The following TMOD4 variants were observed in gnomAD, a reference collection of about 807,000 sequenced individuals.
TMOD4 encodes tropomodulin-4.
A neutral mutation model predicts 45.4 loss-of-function variants in TMOD4; 34 were observed. The ratio of observed to expected loss-of-function variants is 0.75; its 90% confidence interval spans 0.57 to 1.00. TMOD4 has a LOEUF of 1.00. Among genes scored for constraint, TMOD4 ranks in the 50% least tolerant of loss-of-function variants. The pLI is 0.00. For synonymous variants in TMOD4, 131 were observed against 153.9 expected (o/e 0.85, Z 1.10); for missense variants, 399 against 437.5 (o/e 0.91, Z 0.78).
intron 9 of TMOD4, 167 bp downstream of exon 9, chr1:151,170,352 G>T: frequency 1.9e-6 from 2 of 1,069,098 alleles, no homozygotes; most frequent in Non-Finnish European, 1.4e-6. Context: ...TTTGGGGCAG[G>T]GGGAGTTTTC....
rs755763554 is a variant in TMOD4, at chr1:151,172,397, G to A, written c.398-40C>T. On this transcript the variant is annotated intron_variant, in intron 4 of 9. Transcript: ENST00000295314. ...AAGAGGAGTCACAGGGAATGAGAAGGAACCTGTTCCAAGCCTCCCTCCTAC... is the reference window on the plus strand; with the variant it reads ...AAGAGGAGTCACAGGGAATGAGAAGAAACCTGTTCCAAGCCTCCCTCCTAC... 3.3e-6 allele frequency: 5 copies of A among 1,495,038 alleles called. No individual in the cohort carries two copies. In the Admixed American group the frequency reaches 5.0e-5, roughly 15 times the overall value. The allele number at this position is 1,495,038 out of a possible 1,614,324, so 92.6% of individuals were successfully genotyped here.
At chr1:151,174,325 G>C in intron 3 of TMOD4, 66 bp downstream of exon 3, 1 of 1,552,328 alleles carries the variant, frequency 6.4e-7, no homozygotes. Flanking sequence ...AAACTGGAGT[G>C]GGGACGAGTG....
At position 151,173,567 on chromosome 1, in the gene TMOD4, A is replaced by T; in HGVS notation, c.329T>A (p.Ile110Asn). 6.2e-7 allele frequency: 1 copy of T among 1,614,174 alleles called. No homozygotes were observed. Among genetic ancestry groups the T allele is most frequent in the Non-Finnish European group, 8.5e-7 (1 of 1,180,034 alleles). The change falls in exon 4 of 10, where the codon ATC becomes AAC. Residue 110 changes from isoleucine (I) to asparagine (N), a missense_variant. By Grantham distance (149) the Ile-to-Asn change is moderately radical. Coordinates refer to ENST00000295314, the MANE Select transcript of TMOD4 (RefSeq NM_013353.3). ...CTCCTCCAGCTCAGGCTCCAGGGTG[A>T]TCTGCTCCTCTGCTGGGATTTCCCT... ...PKREIPAEEQ[I>N]TLEPELEEAL...
chr1:151,171,336 A>G (rs1373319455), intron 7 of TMOD4, 97 bp downstream of exon 7: 51 of 1,160,718 alleles, frequency 4.4e-5, no homozygotes, highest in Non-Finnish European at 6.4e-5. Flanking sequence ...AGAAGGCATG[A>G]TGAGAATAGC....
Position 151,171,068 on chromosome 1 carries a change from G to A in TMOD4, c.727-5C>T, listed in dbSNP as rs1343059611. 1.2e-5 allele frequency: 19 copies of A among 1,613,868 alleles called. No homozygotes were observed. Among genetic ancestry groups the A allele is most frequent in the Non-Finnish European group, 1.6e-5 (19 of 1,179,978 alleles). On this transcript the variant is annotated splice_polypyrimidine_tract_variant and splice_region_variant and intron_variant, in intron 7 of 9. Transcript: ENST00000295314. ...ACGCAACATGTCAGCCACTGCCTGG[G>A]TAGTAGGGACTTGGGTTAGGATTAG...
intron 4 of TMOD4, among the ~76,000 whole-genome samples, chr1:151,173,293 T>C (rs193175046): frequency 7.2e-4 from 109 of 152,276 alleles, no homozygotes; most frequent in African/African-American, 2.5e-3. Flanking sequence ...TATTTGCTCT[T>C]ACAATCCCTG....
chr1:151,174,998 GGC>G, intron 1 of TMOD4, 81 bp from the exon 2 acceptor site: 1 of 1,134,580 alleles, frequency 8.8e-7, no homozygotes, highest in Non-Finnish European at 1.3e-6. Flanking sequence ...CAGCCAGGGG[GGC>G]AGAACATTGG....
intron 7 of TMOD4, among the ~76,000 whole-genome samples, 177 bp from the exon 8 acceptor site, chr1:151,171,240 T>C (rs1683944003): frequency 6.6e-6 from 1 of 152,046 alleles, no homozygotes; most frequent in Non-Finnish European, 1.5e-5. Context: ...GGGAGATGAA[T>C]GTGCAGTGGG....
chr1:151,170,382 C>T, intron 9 of TMOD4, 137 bp downstream of exon 9: 1 of 1,370,948 alleles, frequency 7.3e-7, no homozygotes, highest in African/African-American at 1.4e-5. Flanking sequence ...TCTGATCACT[C>T]TTGGGATTTG....
chr1:151,171,555 T>C lies in TMOD4; in HGVS notation c.619-15A>G, dbSNP rs1683955644. The C allele has an allele frequency of 1.9e-6, 3 of 1,613,988 alleles. No individual in the cohort carries two copies. The highest frequency in any genetic ancestry group is 1.7e-5 in the Admixed American group (1 of 59,990). On this transcript the variant is annotated splice_polypyrimidine_tract_variant and intron_variant, in intron 6 of 9. Transcript: ENST00000295314. The stretch of plus-strand genomic sequence containing the variant: ...ATTGGGATGTCCTATCGGAGGGGAA[T>C]AGGAGATGGTGGGCTAAGGGACTCT...
intron 2 of TMOD4, 97 bp downstream of exon 2, chr1:151,174,655 CT>C: frequency 6.3e-7 from 1 of 1,596,808 alleles, no homozygotes; most frequent in South Asian, 1.1e-5. Flanking sequence ...TCTTAGGACC[CT>C]AGGTCCTGTA....
At position 151,170,606 on chromosome 1, in the gene TMOD4, G is replaced by A; in HGVS notation, c.928C>T (p.Pro310Ser). 1.2e-6 allele frequency: 2 copies of A among 1,614,178 alleles called. No homozygotes were observed. ...MEMATVLEQC[P>S]SIVRFGYHFT... ...TGGTAGCCAAAGCGGACAATAGAGG[G>A]ACACTGCTCTAGCACGGTGGCCATC... The change falls in exon 9 of 10, where the codon CCC becomes TCC. Residue 310 changes from proline to serine, a missense_variant. Pro to Ser is a moderately conservative substitution (Grantham distance 74). Coordinates refer to ENST00000295314, the MANE Select transcript of TMOD4 (RefSeq NM_013353.3).
intron 7 of TMOD4, 87 bp from the exon 8 acceptor site, chr1:151,171,150 G>T: frequency 6.9e-7 from 1 of 1,441,620 alleles, no homozygotes; most frequent in Non-Finnish European, 9.6e-7. Flanking sequence ...GGGAAACACA[G>T]CTCTTTGAGA....
At chr1:151,174,977 C>T in intron 1 of TMOD4, 60 bp from the exon 2 acceptor site, 1 of 1,402,362 alleles carries the variant, frequency 7.1e-7, no homozygotes, top group Non-Finnish European at 9.9e-7. Flanking sequence ...ACAGCAGGGA[C>T]ACAAAGAGAC....
At chr1:151,173,180 T>A (rs966622623) in intron 4 of TMOD4, among the ~76,000 whole-genome samples, 1 of 152,026 alleles carries the variant, frequency 6.6e-6, no homozygotes, top group South Asian at 2.1e-4. Context: ...GGTCTTGAAC[T>A]CCCGAGCTCA....
intron 4 of TMOD4, among the ~76,000 whole-genome samples, chr1:151,172,850 C>G (rs1360338239): frequency 1.3e-5 from 2 of 152,138 alleles, no homozygotes; most frequent in African/African-American, 4.8e-5. Context: ...GAGACGGAGT[C>G]TCGCTCTGTT....
rs879773197 is a variant in TMOD4 at position 151,174,983 on chromosome 1, G to A, written c.-42-66C>T. The stretch of plus-strand genomic sequence containing the variant: ...GACAGGGACACAGCAGGGACACAAA[G>A]AGACCAGCCAGGGGGGCAGAACATT... On this transcript the variant is annotated intron_variant, in intron 1 of 9. Coordinates refer to ENST00000295314, the MANE Select transcript of TMOD4 (RefSeq NM_013353.3). 5.9e-6 allele frequency: 8 copies of A among 1,355,816 alleles called. No homozygotes were observed. The Admixed American group carries it at 9.2e-5, about 16-fold the overall frequency. 84.0% of individuals were successfully genotyped at this position (1,355,816 alleles called of 1,614,324 possible).
chr1:151,173,643 G>A (rs1408309799), intron 3 of TMOD4, 28 bp from the exon 4 acceptor site: 2 of 1,567,190 alleles, frequency 1.3e-6, no homozygotes. Flanking sequence ...GATGGCTCAG[G>A]TAGAGGTAAT....
chr1:151,175,417 T>C (rs1030019549), intron 1 of TMOD4: 2 of 152,430 alleles, frequency 1.3e-5, no homozygotes, highest in African/African-American at 2.4e-5. Context: ...AGAGAGTCTC[T>C]TACCCCATCC....
Sources: gnomAD v4.1 joint callset for allele counts (sites outside exome capture counted in the v4.1 genomes callset) on GRCh38, gnomAD v4.1.1 for gene constraint, MANE v1.5 for transcripts, NCBI Gene and HGNC (gene_info 2026-07-23, HGNC 2026-07-21) for gene names.